SUSD1: variants seen among roughly 807,000 people sequenced by gnomAD.
SUSD1 encodes sushi domain-containing protein 1.
SUSD1 carries 65 observed loss-of-function variants against 86.9 expected under a neutral mutation model. The observed-to-expected ratio is 0.75, with a 90% CI of 0.61 to 0.92. The LOEUF (loss-of-function observed/expected upper bound fraction) is 0.92. Among genes scored for constraint, SUSD1 ranks in the 40% least tolerant of loss-of-function variants. The pLI is 0.00. For missense variants in SUSD1, 850 were observed against 929.7 expected (o/e 0.91, Z 1.11); for synonymous variants, 346 against 350.0 (o/e 0.99, Z 0.13).
At chr9:112,163,183 G>A (rs1394458419) in intron 1 of SUSD1, among the ~76,000 whole-genome samples, 2 of 152,012 alleles carry the variant, frequency 1.3e-5, no homozygotes, top group African/African-American at 4.8e-5. Context: ...GTCTCACTCT[G>A]TCGCCTCTGT....
chr9:112,174,473 C>G (rs1412818737), intron 1 of SUSD1, among the ~76,000 whole-genome samples: 2 of 152,214 alleles, frequency 1.3e-5, no homozygotes, highest in South Asian at 2.1e-4. Context: ...AAACAACTCC[C>G]TCGATTGCTT....
At chr9:112,168,180 G>T (rs193281534) in intron 1 of SUSD1, among the ~76,000 whole-genome samples, 1 of 152,236 alleles carries the variant, frequency 6.6e-6, no homozygotes, top group East Asian at 1.9e-4. Flanking sequence ...ACCACTCAAC[G>T]ACTCTTTGTT....
chr9:112,067,234 G>A (rs897951841), intron 12 of SUSD1, among the ~76,000 whole-genome samples: 2 of 152,206 alleles, frequency 1.3e-5, no homozygotes, highest in African/African-American at 2.4e-5. Flanking sequence ...GTACCAGGTA[G>A]GCCAATAGTA....
Position 112,160,849 on chromosome 9 carries a change from G to A in SUSD1, c.104-3236C>T, listed in dbSNP as rs2037649. Among the ~76,000 whole-genome samples, 161 of 152,270 alleles carry A rather than the reference G, an allele frequency of 1.1e-3. 3 individuals are homozygous for A. In the South Asian group the frequency reaches 0.032, roughly 30 times the overall value. On this transcript the variant is annotated intron_variant, in intron 1 of 16. Transcript: ENST00000374270. ...GGAACTGGTTGAAAATACCTGCAAGGAGTAGTTAAATGCCTGGATTCCTTC... is the reference window on the plus strand; with the variant it reads ...GGAACTGGTTGAAAATACCTGCAAGAAGTAGTTAAATGCCTGGATTCCTTC...
chr9:112,147,693 C>T (rs1168575591), intron 3 of SUSD1, among the ~76,000 whole-genome samples: 1 of 152,158 alleles, frequency 6.6e-6, no homozygotes, highest in Non-Finnish European at 1.5e-5. Flanking sequence ...CGCTTGAACC[C>T]GTGAGGCAGA....
intron 12 of SUSD1, among the ~76,000 whole-genome samples, chr9:112,066,799 T>C (rs1043505576): frequency 1.8e-4 from 27 of 152,258 alleles, no homozygotes; most frequent in Non-Finnish European, 2.5e-4. Context: ...GCCCAGTGAT[T>C]ATGGATTGCC....
intron 2 of SUSD1, among the ~76,000 whole-genome samples, chr9:112,156,323 A>G (rs569638547): frequency 2.6e-4 from 40 of 152,084 alleles, no homozygotes; most frequent in Admixed American, 8.5e-4. Context: ...TTAGCTGGGC[A>G]TGGTGGCACA....
intron 8 of SUSD1, among the ~76,000 whole-genome samples, chr9:112,111,166 C>T (rs939805004): frequency 2.6e-5 from 4 of 152,084 alleles, no homozygotes; most frequent in South Asian, 4.1e-4. Flanking sequence ...CTAAGTTTTT[C>T]TATTTTCAGT....
chr9:112,172,253 A>G (rs927772178), intron 1 of SUSD1, among the ~76,000 whole-genome samples: 1 of 150,790 alleles, frequency 6.6e-6, no homozygotes, highest in Non-Finnish European at 1.5e-5. Context: ...CTCAACCTAG[A>G]GCCCTCACAT....
At position 112,124,307 on chromosome 9, in the gene SUSD1, G is replaced by A; in HGVS notation, c.836C>T (p.Ser279Phe). The A allele has an allele frequency of 1.2e-6, 2 of 1,614,148 alleles. No individual in the cohort carries two copies. Among genetic ancestry groups the A allele is most frequent in the South Asian group, 1.1e-5 (1 of 91,080 alleles). ...CCAGGTGCCTTTCTCTGTGCAAACA[G>A]AAGTGATCTTTCCTCCAGGGCTCTC... ...GFESPGGKIT[S>F]VCTEKGTWRE... The change falls in exon 6 of 17, where the codon TCT becomes TTT. Residue 279 changes from serine (S) to phenylalanine (F), a missense_variant. Ser to Phe is a radical substitution (Grantham distance 155). Coordinates refer to ENST00000374270, the MANE Select transcript of SUSD1 (RefSeq NM_022486.5).
intron 10 of SUSD1, among the ~76,000 whole-genome samples, chr9:112,090,257 C>T (rs181700351): frequency 4.6e-5 from 7 of 152,164 alleles, no homozygotes; most frequent in East Asian, 1.9e-4. Context: ...AAAACTTAGA[C>T]GAAATAGGTA....
At chr9:112,052,197 G>T (rs774995041) in intron 15 of SUSD1, 642 of 1,508,492 alleles carry the variant, frequency 4.3e-4, no homozygotes, top group Admixed American at 5.7e-4. Flanking sequence ...CTTCTTGGTG[G>T]GGTAGCTCTT....
intron 15 of SUSD1, among the ~76,000 whole-genome samples, chr9:112,051,825 G>A (rs1034049603): frequency 6.6e-6 from 1 of 152,062 alleles, no homozygotes. Flanking sequence ...TCTTGATAGG[G>A]ATTTTGTCTC....
At chr9:112,099,543 G>A (rs1830539332) in intron 9 of SUSD1, among the ~76,000 whole-genome samples, 1 of 152,128 alleles carries the variant, frequency 6.6e-6, no homozygotes, top group African/African-American at 2.4e-5. Flanking sequence ...TGGTAAAAGG[G>A]CTTTTGATCC....
intron 10 of SUSD1, among the ~76,000 whole-genome samples, chr9:112,092,923 C>T (rs1300693958): frequency 6.6e-6 from 1 of 152,054 alleles, no homozygotes; most frequent in South Asian, 2.1e-4. Context: ...CTATCTATGT[C>T]CATGAGAACA....
intron 12 of SUSD1, among the ~76,000 whole-genome samples, chr9:112,069,762 A>G (rs1489178135): frequency 8.4e-6 from 1 of 119,716 alleles, no homozygotes; most frequent in East Asian, 2.7e-4. Flanking sequence ...CTAACATTTT[A>G]AAACCACACA....
At chr9:112,056,204 C>T (rs1828440789) in intron 14 of SUSD1, among the ~76,000 whole-genome samples, 1 of 151,886 alleles carries the variant, frequency 6.6e-6, no homozygotes, top group Non-Finnish European at 1.5e-5. Context: ...GGGGTTGAGG[C>T]TGCAGTGAGC....
chr9:112,173,862 G>C (rs2131877408), intron 1 of SUSD1: 1 of 298,928 alleles, frequency 3.3e-6, no homozygotes, highest in East Asian at 8.4e-5. Context: ...CAGGAACTTG[G>C]GGTCCACCCC....
At chr9:112,106,276 AT>A (rs143269726) in intron 8 of SUSD1, among the ~76,000 whole-genome samples, 7 of 150,300 alleles carry the variant, frequency 4.7e-5, no homozygotes, top group Admixed American at 1.3e-4. Flanking sequence ...CCTGGCCAGG[AT>A]TTTTTTTTTA....
Sources: gnomAD v4.1 joint callset for allele counts (sites outside exome capture counted in the v4.1 genomes callset) on GRCh38, gnomAD v4.1.1 for gene constraint, MANE v1.5 for transcripts, NCBI Gene and HGNC (gene_info 2026-07-23, HGNC 2026-07-21) for gene names.